Variants in IQGAP2 observed in about 807,000 individuals in gnomAD.
IQGAP2 encodes IQ motif containing GTPase activating protein 2, also known as ras GTPase-activating-like protein IQGAP2.
IQGAP2 carries 173 observed loss-of-function variants against 201.3 expected under a neutral mutation model. The ratio of observed to expected loss-of-function variants is 0.86; its 90% CI spans 0.76 to 0.98. The LOEUF (loss-of-function observed/expected upper bound fraction) is 0.98, where lower values mean the gene tolerates loss of function less well. Ranked by LOEUF, IQGAP2 falls within the 50% of genes least tolerant of loss-of-function variation. The probability of loss-of-function intolerance (pLI) is 0.00; values close to 1 mark genes in which losing one functional copy is unlikely to be tolerated. For missense variants in IQGAP2, 1,687 were observed against 1,864.8 expected, an observed-to-expected ratio of 0.90 and a Z score of 1.76; for synonymous variants, 675 against 673.9, an observed-to-expected ratio of 1.00 and a Z score of -0.03.
intron 7 of IQGAP2, 100 bp downstream of exon 7, chr5:76,589,828 T>G (rs1746520150): frequency 1.8e-6 from 1 of 565,504 alleles, no homozygotes; most frequent in East Asian, 3.3e-5. Context: ...AGAAGATACT[T>G]TAAGCACCCT....
intron 2 of IQGAP2, among the ~76,000 whole-genome samples, chr5:76,501,638 C>CTTTTCTTTT (rs1554062074): frequency 4.0e-5 from 1 of 24,994 alleles, no homozygotes; most frequent in Non-Finnish European, 7.8e-5. Flanking sequence ...TTTCTTTTTC[C>CTTTTCTTTT]TTTTCTTTTT....
At chr5:76,660,490 G>A (rs1480950879) in intron 21 of IQGAP2, among the ~76,000 whole-genome samples, 4 of 152,080 alleles carry the variant, frequency 2.6e-5, no homozygotes, top group Non-Finnish European at 2.9e-5. Context: ...GCTGTTTCAC[G>A]CTATCCCCAT....
At chr5:76,460,737 A>C (rs574445474) in intron 1 of IQGAP2, among the ~76,000 whole-genome samples, 3 of 152,122 alleles carry the variant, frequency 2.0e-5, no homozygotes, top group Non-Finnish European at 4.4e-5. Context: ...GTTGGTATCA[A>C]TGCTGTGGGG....
chr5:76,566,472 G>C (rs1166732097), intron 3 of IQGAP2, among the ~76,000 whole-genome samples: 1 of 152,164 alleles, frequency 6.6e-6, no homozygotes, highest in Non-Finnish European at 1.5e-5. Flanking sequence ...GGTTGAAAGG[G>C]ACAGTGGTGG....
intron 1 of IQGAP2, chr5:76,404,297 C>T (rs1750677966): frequency 5.3e-6 from 1 of 189,778 alleles, no homozygotes; most frequent in Admixed American, 6.5e-5. Flanking sequence ...ATTACCCAGC[C>T]AGGGGCTGCC....
chr5:76,631,724 A>C (rs1246853441), intron 14 of IQGAP2, 135 bp from the exon 15 acceptor site: 11 of 567,596 alleles, frequency 1.9e-5, no homozygotes, highest in Non-Finnish European at 2.4e-5. Context: ...TGTCTTGGGC[A>C]TATGTGGTAA....
intron 2 of IQGAP2, among the ~76,000 whole-genome samples, chr5:76,511,836 A>G (rs1757986483): frequency 6.6e-6 from 1 of 151,894 alleles, no homozygotes; most frequent in African/African-American, 2.4e-5. Context: ...GCCCGCCACT[A>G]CGCCCGGCTA....
intron 2 of IQGAP2, among the ~76,000 whole-genome samples, chr5:76,469,495 G>T (rs1435686906): frequency 6.6e-6 from 1 of 151,808 alleles, no homozygotes; most frequent in Non-Finnish European, 1.5e-5. Flanking sequence ...CCACCTCCTG[G>T]GTTCAAACGA....
chr5:76,592,496 T>G (rs976824563), intron 8 of IQGAP2, among the ~76,000 whole-genome samples: 1 of 152,260 alleles, frequency 6.6e-6, no homozygotes, highest in Non-Finnish European at 1.5e-5. Flanking sequence ...GTATATTTAT[T>G]ACTTGTGTTC....
intron 2 of IQGAP2, among the ~76,000 whole-genome samples, chr5:76,523,410 A>C (rs758835777): frequency 1.1e-4 from 16 of 152,136 alleles, no homozygotes; most frequent in Non-Finnish European, 2.2e-4. Flanking sequence ...ACTGGGAAAG[A>C]TTATTGAACT....
chr5:76,450,922 T>A (rs1161315524), intron 1 of IQGAP2, among the ~76,000 whole-genome samples: 2 of 152,082 alleles, frequency 1.3e-5, no homozygotes, highest in Non-Finnish European at 2.9e-5. Flanking sequence ...CAATCTTTTT[T>A]AAATTGCCCT....
chr5:76,490,294 G>C (rs1053508009), intron 2 of IQGAP2, among the ~76,000 whole-genome samples: 2 of 152,164 alleles, frequency 1.3e-5, no homozygotes, highest in Admixed American at 6.5e-5. Context: ...ACAATATGCA[G>C]TATTCTCAGG....
chr5:76,405,309 A>T (rs568290230), intron 1 of IQGAP2, among the ~76,000 whole-genome samples: 1 of 152,306 alleles, frequency 6.6e-6, no homozygotes, highest in South Asian at 2.1e-4. Flanking sequence ...GGCAAGCCTG[A>T]AGCCCACTCC....
intron 1 of IQGAP2, among the ~76,000 whole-genome samples, chr5:76,453,587 A>G (rs1346254974): frequency 6.6e-6 from 1 of 152,204 alleles, no homozygotes; most frequent in African/African-American, 2.4e-5. Flanking sequence ...TTGTGAGGAT[A>G]GGGACAGGGT....
chr5:76,608,592 A>G (rs529257468), intron 12 of IQGAP2, among the ~76,000 whole-genome samples: 1 of 152,322 alleles, frequency 6.6e-6, no homozygotes, highest in East Asian at 1.9e-4. Context: ...TTCTTGCCAC[A>G]TGCTCTGAGA....
intron 3 of IQGAP2, among the ~76,000 whole-genome samples, chr5:76,569,871 T>C (rs183629422): frequency 3.3e-4 from 51 of 152,328 alleles, no homozygotes; most frequent in Non-Finnish European, 6.6e-4. Context: ...AAGAATGCTA[T>C]ACTTACAGGC....
intron 2 of IQGAP2, among the ~76,000 whole-genome samples, chr5:76,467,950 G>A (rs938327503): frequency 6.6e-6 from 1 of 152,118 alleles, no homozygotes; most frequent in African/African-American, 2.4e-5. Context: ...CCAGGGCCTA[G>A]GGGAAGAAGA....
intron 2 of IQGAP2, among the ~76,000 whole-genome samples, chr5:76,470,504 A>C (rs1433786057): frequency 2.0e-5 from 3 of 152,228 alleles, no homozygotes; most frequent in African/African-American, 7.2e-5. Context: ...AAACTCAATC[A>C]GAAATTGAAT....
At chr5:76,538,436 T>C (rs945466962) in intron 2 of IQGAP2, among the ~76,000 whole-genome samples, 6 of 152,206 alleles carry the variant, frequency 3.9e-5, no homozygotes, top group Non-Finnish European at 5.9e-5. Context: ...GGAGGTAGTC[T>C]GAGTCTGCTC....
Sources: allele counts gnomAD v4.1 joint callset (sites outside exome capture counted in the v4.1 genomes callset), GRCh38; gene constraint gnomAD v4.1.1; transcripts MANE v1.5; gene names NCBI Gene and HGNC (gene_info 2026-07-23, HGNC 2026-07-21).